Variants in C16orf96 observed in about 807,000 individuals in gnomAD.
C16orf96 encodes the protein uncharacterized protein C16orf96.
C16orf96 carries 108 observed loss-of-function variants against 103.6 expected under a neutral mutation model. The observed-to-expected ratio is 1.04, with a 90% CI of 0.89 to 1.22. C16orf96 has a LOEUF of 1.22. Among genes scored for constraint, C16orf96 ranks in the 50% most tolerant of loss-of-function variants. The pLI is 0.00. For synonymous variants in C16orf96, 566 were observed against 593.5 expected, an observed-to-expected ratio of 0.95 and a Z score of 0.67; for missense variants, 1,586 against 1,464.2, an observed-to-expected ratio of 1.08 and a Z score of -1.36.
chr16:4,541,999 A>T, the C16orf96 span, among the ~76,000 whole-genome samples: 1 of 152,196 alleles, frequency 6.6e-6, no homozygotes, highest in African/African-American at 2.4e-5. Flanking sequence ...ATTTCACAGG[A>T]TCATCTGACT....
the C16orf96 span, among the ~76,000 whole-genome samples, chr16:4,543,226 G>T: frequency 6.6e-6 from 1 of 152,152 alleles, no homozygotes; most frequent in Non-Finnish European, 1.5e-5. Flanking sequence ...GAAAGAAGTG[G>T]GGTAGGGTAC....
intron 1 of C16orf96, 103 bp downstream of exon 1, chr16:4,557,012 C>G: frequency 7.6e-7 from 1 of 1,307,454 alleles, no homozygotes; most frequent in South Asian, 1.6e-5. Context: ...CTCTGTCACC[C>G]AGGCTGGAGT....
chr16:4,543,472 G>A, the C16orf96 span, among the ~76,000 whole-genome samples: 1 of 152,058 alleles, frequency 6.6e-6, no homozygotes, highest in Non-Finnish European at 1.5e-5. Context: ...CTAGATTCTT[G>A]TTTTATTTTA....
chr16:4,552,220 G>A (rs1384654045), upstream of C16orf96, among the ~76,000 whole-genome samples: 1 of 152,032 alleles, frequency 6.6e-6, no homozygotes, highest in Non-Finnish European at 1.5e-5. Context: ...GGTGGCTCAC[G>A]CCTGTAATCC....
At chr16:4,586,290 C>T (rs139431225) in intron 7 of C16orf96, among the ~76,000 whole-genome samples, 118 of 152,294 alleles carry the variant, frequency 7.7e-4, no homozygotes, top group African/African-American at 2.7e-3. Flanking sequence ...GTTAAAGATA[C>T]CCATTCACTT....
At chr16:4,579,145 G>A in intron 6 of C16orf96, 120 bp downstream of exon 6, 2 of 913,464 alleles carry the variant, frequency 2.2e-6, no homozygotes, top group Non-Finnish European at 1.7e-6. Flanking sequence ...ACAGGCTGGG[G>A]GAAAGCGAGC....
At chr16:4,555,989 C>G (rs375333208), upstream of C16orf96, among the ~76,000 whole-genome samples, 12 of 152,114 alleles carry the variant, frequency 7.9e-5, no homozygotes, top group African/African-American at 2.2e-4. Flanking sequence ...CCTGAACCCC[C>G]ACACCCACCC....
rs542222346 is a variant in C16orf96 at position 4,556,600 on chromosome 16, C to G, written c.111C>G (p.Ile37Met). 4 of 1,551,754 alleles carry G rather than the reference C, an allele frequency of 2.6e-6. No homozygotes were observed. The East Asian group carries it at 7.3e-5, about 28-fold the overall frequency. Reference protein sequence around the residue: ...HLLLHGILEHIHMAELKKVLS... With the variant: ...HLLLHGILEHMHMAELKKVLS... Reference sequence around the variant, plus strand: ...TGCTGCACGGCATCTTGGAGCACATCCACATGGCCGAGCTCAAGAAAGTCC... The same window carrying G: ...TGCTGCACGGCATCTTGGAGCACATGCACATGGCCGAGCTCAAGAAAGTCC... Residue 37 changes from isoleucine to methionine, a missense_variant, in exon 1 of 16, where the codon ATC (isoleucine) becomes ATG (methionine). Ile to Met is a conservative substitution (Grantham distance 10). Coordinates refer to ENST00000444310, the MANE Select transcript of C16orf96 (RefSeq NM_001145011.2).
chr16:4,576,526 T>C lies in C16orf96; in HGVS notation c.2046T>C (p.Ala682=), dbSNP rs2059512394. 6.4e-7 allele frequency: 1 copy of C among 1,551,580 alleles called. No individual in the cohort carries two copies. The highest frequency in any genetic ancestry group is 2.4e-5 in the East Asian group (1 of 40,924). The change falls in exon 5 of 16, where the codon GCT becomes GCC. Residue 682 remains alanine (A), a synonymous_variant. Transcript: ENST00000444310. ...QAMSPEDKKR[A]VKYSMSHIAQ... ...TGAGCCCTGAAGACAAGAAGAGGGCTGTCAAGTATTCCATGAGCCACATAG... is the reference window on the plus strand; with the variant it reads ...TGAGCCCTGAAGACAAGAAGAGGGCCGTCAAGTATTCCATGAGCCACATAG...
At position 4,575,174 on chromosome 16, in the gene C16orf96, G is replaced by C; in HGVS notation, c.694G>C (p.Glu232Gln). The C allele has an allele frequency of 6.5e-7, 1 of 1,545,714 alleles. No individual in the cohort carries two copies. Among genetic ancestry groups the C allele is most frequent in the Admixed American group, 2.0e-5 (1 of 50,976 alleles). Reference protein sequence around the residue: ...SGLHDAMFTSEIGSSPLDLWQ... With the variant: ...SGLHDAMFTSQIGSSPLDLWQ... ...AGCCCCTCTGCCCCCTCTTCTGCAG[G>C]AAATTGGTTCATCACCACTGGACCT... Residue 232 changes from glutamate (E) to glutamine (Q), a missense_variant and splice_region_variant, in exon 5 of 16, where the codon GAA (glutamate) becomes CAA (glutamine). By Grantham distance (29) the Glu-to-Gln change is conservative (BLOSUM62 2). Transcript: ENST00000444310.
intron 1 of C16orf96, among the ~76,000 whole-genome samples, chr16:4,557,249 CG>C (rs1244318289): frequency 2.6e-5 from 4 of 152,110 alleles, no homozygotes; most frequent in Non-Finnish European, 4.4e-5. Flanking sequence ...GGATGACAAG[CG>C]TGAGCCACTG....
upstream of C16orf96, among the ~76,000 whole-genome samples, chr16:4,555,809 A>C (rs1596509441): frequency 2.1e-5 from 3 of 142,294 alleles, no homozygotes; most frequent in South Asian, 2.2e-4. Flanking sequence ...CAATCCTCCC[A>C]CCCCATCCTC....
chr16:4,562,087 A>C (rs540783998), intron 1 of C16orf96, among the ~76,000 whole-genome samples: 1 of 152,174 alleles, frequency 6.6e-6, no homozygotes, highest in Non-Finnish European at 1.5e-5. Flanking sequence ...TCGCCACTGC[A>C]TTACAACTAA....
chr16:4,575,004 C>A lies in C16orf96; in HGVS notation c.639C>A (p.Pro213=), dbSNP rs1438228696. 1 of 1,551,402 alleles carries A rather than the reference C, an allele frequency of 6.4e-7. No homozygotes were observed. The highest frequency in any genetic ancestry group is 8.7e-7 in the Non-Finnish European group (1 of 1,147,020). The change falls in exon 4 of 16, where the codon CCC becomes CCA. Residue 213 remains proline (P), a synonymous_variant. Transcript: ENST00000444310. ...ASLQNKFKTI[P]KTEDMVLWSG... Reference sequence around the variant, plus strand: ...TCCAGAATAAGTTTAAAACCATCCCCAAAACCGAGGACATGGTGCTCTGGA... The same window carrying A: ...TCCAGAATAAGTTTAAAACCATCCCAAAAACCGAGGACATGGTGCTCTGGA...
chr16:4,548,137 G>A, the C16orf96 span, among the ~76,000 whole-genome samples: 1 of 152,154 alleles, frequency 6.6e-6, no homozygotes, highest in Non-Finnish European at 1.5e-5. Context: ...TCGGACATGT[G>A]ATGAAATAAC....
chr16:4,588,081 C>A, intron 8 of C16orf96, 86 bp from the exon 9 acceptor site: 2 of 1,363,506 alleles, frequency 1.5e-6, no homozygotes, highest in Non-Finnish European at 2.0e-6. Context: ...AAACTAGAAG[C>A]ATCAGACCCA....
chr16:4,562,536 T>A (rs558177770), intron 1 of C16orf96, among the ~76,000 whole-genome samples: 1 of 152,130 alleles, frequency 6.6e-6, no homozygotes, highest in Non-Finnish European at 1.5e-5. Flanking sequence ...CTTTATTCAC[T>A]CAATTTTTTT....
the C16orf96 span, among the ~76,000 whole-genome samples, chr16:4,548,797 C>T: frequency 4.1e-4 from 61 of 149,158 alleles, no homozygotes; most frequent in Non-Finnish European, 7.7e-4. Context: ...CGCTTGAACC[C>T]GGGAGGCGGA....
rs1031377463 is a variant in C16orf96 at position 4,564,099 on chromosome 16, G to A, written c.420+7190G>A. Among the ~76,000 whole-genome samples, 4 of 151,936 alleles carry A rather than the reference G, an allele frequency of 2.6e-5. No homozygotes were observed. The East Asian group carries it at 7.8e-4, about 30-fold the overall frequency. Reference sequence around the variant, plus strand: ...CAAGAGAATTGCTTGAACCTGGGAGGCAGAGGTTGCAGTGAGCCGAGATTG... The same window carrying A: ...CAAGAGAATTGCTTGAACCTGGGAGACAGAGGTTGCAGTGAGCCGAGATTG... On this transcript the variant is annotated intron_variant, in intron 1 of 15. Transcript: ENST00000444310.
Sources: gnomAD v4.1 joint callset for allele counts (sites outside exome capture counted in the v4.1 genomes callset) on GRCh38, gnomAD v4.1.1 for gene constraint, MANE v1.5 for transcripts, NCBI Gene and HGNC (gene_info 2026-07-23, HGNC 2026-07-21) for gene names.